PPP1R21: variants seen among roughly 807,000 people sequenced by gnomAD.
PPP1R21 encodes the protein KLRAQ motif containing 1.
PPP1R21 carries 85 observed loss-of-function variants against 112.8 expected under a neutral mutation model. That is an observed-to-expected ratio of 0.75 (90% CI 0.63 to 0.90). The LOEUF is 0.90. Among genes scored for constraint, PPP1R21 ranks in the 40% least tolerant of loss-of-function variants. PPP1R21 has a pLI of 0.00. For synonymous variants in PPP1R21, 381 were observed against 322.3 expected, an observed-to-expected ratio of 1.18 and a Z score of -1.95; for missense variants, 1,199 against 901.5, an observed-to-expected ratio of 1.33 and a Z score of -4.23.
intron 16 of PPP1R21, among the ~76,000 whole-genome samples, chr2:48,497,365 C>T (rs2103630034): frequency 6.6e-6 from 1 of 152,280 alleles, no homozygotes; most frequent in Non-Finnish European, 1.5e-5. Context: ...CAAAGGTTTA[C>T]CTTAAAAATT....
At chr2:48,443,457 G>C (rs1667116154) in intron 1 of PPP1R21, among the ~76,000 whole-genome samples, 1 of 152,210 alleles carries the variant, frequency 6.6e-6, no homozygotes, top group South Asian at 2.1e-4. Context: ...CAGGACAAAG[G>C]CTAGCACTTT....
chr2:48,485,158 C>T (rs553702805), intron 13 of PPP1R21, among the ~76,000 whole-genome samples: 1 of 152,208 alleles, frequency 6.6e-6, no homozygotes, highest in Non-Finnish European at 1.5e-5. Context: ...TACCATTCGA[C>T]CCAGCAATAC....
intron 17 of PPP1R21, among the ~76,000 whole-genome samples, 192 bp downstream of exon 17, chr2:48,498,927 T>TG (rs1230963535): frequency 1.3e-5 from 2 of 152,224 alleles, no homozygotes; most frequent in East Asian, 3.9e-4. Context: ...ATTAAGGTGC[T>TG]GGGAGATTCA....
chr2:48,480,742 G>A (rs746997061), intron 13 of PPP1R21, among the ~76,000 whole-genome samples: 3 of 151,954 alleles, frequency 2.0e-5, no homozygotes, highest in Non-Finnish European at 4.4e-5. Context: ...AAGGACTATT[G>A]GAAATAGTCC....
At chr2:48,468,793 C>A (rs1179810966) in intron 9 of PPP1R21, among the ~76,000 whole-genome samples, 1 of 150,118 alleles carries the variant, frequency 6.7e-6, no homozygotes, top group African/African-American at 2.5e-5. Flanking sequence ...CCAGCTTGGG[C>A]AACAGAGTGA....
At chr2:48,493,309 C>G (rs140299696) in intron 15 of PPP1R21, among the ~76,000 whole-genome samples, 259 of 152,192 alleles carry the variant, frequency 1.7e-3, no homozygotes, top group African/African-American at 6.0e-3. Flanking sequence ...CCGGCCTTAC[C>G]TATTTTTAAA....
intron 15 of PPP1R21, 96 bp from the exon 16 acceptor site, chr2:48,495,583 T>C: frequency 2.9e-6 from 2 of 693,340 alleles, no homozygotes; most frequent in Non-Finnish European, 5.2e-6. Flanking sequence ...TCTGAATTTA[T>C]TGTCACACCT....
chr2:48,501,593 C>T (rs1025283583), intron 17 of PPP1R21, among the ~76,000 whole-genome samples: 6 of 152,188 alleles, frequency 3.9e-5, no homozygotes, highest in African/African-American at 1.4e-4. Flanking sequence ...AAGCCCTGCC[C>T]TCTTAACCAA....
At chr2:48,486,792 C>T in intron 14 of PPP1R21, 34 bp downstream of exon 14, 1 of 1,582,676 alleles carries the variant, frequency 6.3e-7, no homozygotes, top group Non-Finnish European at 8.6e-7. Flanking sequence ...GATGTTAAAA[C>T]TCTTAAATAT....
chr2:48,456,566 A>G (rs940931556), intron 3 of PPP1R21, among the ~76,000 whole-genome samples: 1 of 152,196 alleles, frequency 6.6e-6, no homozygotes, highest in Non-Finnish European at 1.5e-5. Context: ...TGAGGATTGT[A>G]TGGTATCATG....
In PPP1R21 at chr2:48,495,825, C is replaced by G. The variant is rs551576982; in HGVS notation, c.1692+54C>G. ...GTTAAAGAACAGAAATGTTAAATCC[C>G]CCATAGAAAGTTTTTAAGATACGTA... On this transcript the variant is annotated intron_variant, in intron 16 of 21. Transcript: ENST00000294952. The G allele has an allele frequency of 8.8e-5, 92 of 1,048,172 alleles. 1 individual carries two copies. Among genetic ancestry groups the G allele is most frequent in the South Asian group, 7.5e-4 (58 of 77,748 alleles). 64.9% of individuals were successfully genotyped at this position (1,048,172 alleles called of 1,614,324 possible).
At chr2:48,442,574 C>A (rs1368640047) in intron 1 of PPP1R21, among the ~76,000 whole-genome samples, 1 of 152,160 alleles carries the variant, frequency 6.6e-6, no homozygotes, top group Non-Finnish European at 1.5e-5. Flanking sequence ...CTTAACAAGT[C>A]ACCTTTAATG....
intron 14 of PPP1R21, among the ~76,000 whole-genome samples, chr2:48,489,503 T>C (rs1002278136): frequency 6.6e-6 from 1 of 151,684 alleles, no homozygotes; most frequent in Non-Finnish European, 1.5e-5. Flanking sequence ...CCACCATGCC[T>C]GGCTAATTTT....
At chr2:48,491,781 A>G (rs1398577547) in intron 15 of PPP1R21, among the ~76,000 whole-genome samples, 2 of 152,166 alleles carry the variant, frequency 1.3e-5, no homozygotes, top group Non-Finnish European at 2.9e-5. Flanking sequence ...CATTGAGGAT[A>G]TATTTATATA....
chr2:48,498,707 T>C lies in PPP1R21; in HGVS notation c.1907T>C (p.Val636Ala). The C allele has an allele frequency of 1.2e-6, 2 of 1,614,230 alleles. No homozygotes were observed. The highest frequency in any genetic ancestry group is 1.1e-5 in the South Asian group (1 of 91,086). Residue 636 changes from valine (V) to alanine (A), a missense_variant, in exon 17 of 22, where the codon GTG becomes GCG. Val to Ala is a moderately conservative substitution (Grantham distance 64). Transcript: ENST00000294952. ...AGQDEATAKA[V>A]LEPIQSTSLI... Reference sequence around the variant, plus strand: ...CAGGATGAAGCCACAGCTAAGGCTGTGTTGGAGCCCATTCAGAGCACCAGT... The same window carrying C: ...CAGGATGAAGCCACAGCTAAGGCTGCGTTGGAGCCCATTCAGAGCACCAGT...
At chr2:48,486,574 A>G (rs1223995574) in intron 13 of PPP1R21, 57 bp from the exon 14 acceptor site, 5 of 1,329,964 alleles carry the variant, frequency 3.8e-6, no homozygotes, top group African/African-American at 1.5e-5. Context: ...TGGGCTGGTT[A>G]TCTGTATGTG....
chr2:48,476,178 C>T (rs1668747265), intron 12 of PPP1R21, among the ~76,000 whole-genome samples: 2 of 152,298 alleles, frequency 1.3e-5, no homozygotes, highest in South Asian at 2.1e-4. Flanking sequence ...TTTGCCAATT[C>T]TACCCATTTC....
At chr2:48,473,017 AAG>A (rs1344583329) in intron 11 of PPP1R21, among the ~76,000 whole-genome samples, 2 of 150,858 alleles carry the variant, frequency 1.3e-5, no homozygotes, top group African/African-American at 4.8e-5. Flanking sequence ...AAAAAAAAAA[AAG>A]AAAAGAATAT....
chr2:48,447,969 A>G (rs994468582), intron 1 of PPP1R21, among the ~76,000 whole-genome samples: 2 of 151,548 alleles, frequency 1.3e-5, no homozygotes, highest in African/African-American at 2.4e-5. Flanking sequence ...AAATAAATAA[A>G]TAATAAAATA....
Sources: gnomAD v4.1 joint callset for allele counts (sites outside exome capture counted in the v4.1 genomes callset) on GRCh38, gnomAD v4.1.1 for gene constraint, MANE v1.5 for transcripts, NCBI Gene and HGNC (gene_info 2026-07-23, HGNC 2026-07-21) for gene names.